Variants in ZC3H14 observed in about 807,000 individuals in gnomAD.
ZC3H14 encodes the protein zinc finger CCCH-type containing 14.
A neutral mutation model predicts 92.4 loss-of-function variants in ZC3H14; 31 were observed. That is an observed-to-expected ratio of 0.34 (90% CI 0.25 to 0.45). The LOEUF (loss-of-function observed/expected upper bound fraction) is 0.45, where lower values mean the gene tolerates loss of function less well. Ranked by LOEUF, ZC3H14 falls within the 20% of genes least tolerant of loss-of-function variation. The pLI is 1.00. For missense variants in ZC3H14, 781 were observed against 897.3 expected (o/e 0.87, Z 1.66); for synonymous variants, 321 against 300.9 (o/e 1.07, Z -0.69).
Position 88,622,630 on chromosome 14 carries a change from A to C in ZC3H14, c.*10879A>C. Reference sequence around the variant, plus strand: ...TTGCCTCTGCACACAGAACGAACACAATCTGTGGCTTGTCCTGTCTCAAGC... The same window carrying C: ...TTGCCTCTGCACACAGAACGAACACCATCTGTGGCTTGTCCTGTCTCAAGC... On this transcript the variant is annotated 3_prime_UTR_variant, in exon 17 of 17. Coordinates refer to ENST00000251038, the MANE Select transcript of ZC3H14 (RefSeq NM_024824.5). 1.2e-6 allele frequency: 2 copies of C among 1,609,754 alleles called. No individual in the cohort carries two copies. The highest frequency in any genetic ancestry group is 1.7e-6 in the Non-Finnish European group (2 of 1,177,806).
Position 88,626,446 on chromosome 14 carries a change from C to A in ZC3H14, c.*14695C>A. On this transcript the variant is annotated 3_prime_UTR_variant, in exon 17 of 17. Transcript: ENST00000251038. ...GACCACCTAGGCAACATAGCGAAAC[C>A]CTGTCTCTACTAAAAATGAAAGAAA... is the stretch of plus-strand genomic sequence containing the variant. The A allele has an allele frequency of 5.4e-6, 1 of 185,276 alleles. No homozygotes were observed. Among genetic ancestry groups the A allele is most frequent in the South Asian group, 1.1e-4 (1 of 8,758 alleles). The allele number at this position is 185,276 out of a possible 1,614,324, so 11.5% of individuals were successfully genotyped here.
At chr14:88,593,231 G>T (rs1477215094) in intron 9 of ZC3H14, among the ~76,000 whole-genome samples, 1 of 152,128 alleles carries the variant, frequency 6.6e-6, no homozygotes, top group Non-Finnish European at 1.5e-5. Context: ...CTCCCAAAAT[G>T]CTGGGATTAC....
chr14:88,607,065 G>A (rs2085524787), intron 12 of ZC3H14, among the ~76,000 whole-genome samples, 178 bp from the exon 13 acceptor site: 1 of 151,950 alleles, frequency 6.6e-6, no homozygotes, highest in Non-Finnish European at 1.5e-5. Context: ...CTTCTTCCTG[G>A]CAACCTTTTA....
At chr14:88,581,879 ATCAT>A (rs1232885807) in intron 9 of ZC3H14, among the ~76,000 whole-genome samples, 1 of 152,262 alleles carries the variant, frequency 6.6e-6, no homozygotes, top group Non-Finnish European at 1.5e-5. Flanking sequence ...GTAGTAGATA[ATCAT>A]TCATTGTCTT....
intron 9 of ZC3H14, chr14:88,595,193 G>A (rs962898386): frequency 8.7e-5 from 137 of 1,573,058 alleles, no homozygotes; most frequent in Non-Finnish European, 1.1e-4. Flanking sequence ...TAGCTCTGAT[G>A]TGGAGGGAGC....
intron 3 of ZC3H14, among the ~76,000 whole-genome samples, chr14:88,568,663 TATC>T (rs1324869164): frequency 2.0e-5 from 3 of 152,150 alleles, no homozygotes; most frequent in African/African-American, 7.2e-5. Flanking sequence ...AGCCAAACCT[TATC>T]AGCCTCTGAA....
Position 88,622,486 on chromosome 14 carries a change from C to T in ZC3H14, c.*10735C>T, listed in dbSNP as rs192198265. The T allele has an allele frequency of 2.6e-6, 2 of 783,388 alleles. No individual in the cohort carries two copies. The highest frequency in any genetic ancestry group is 3.7e-6 in the Non-Finnish European group (2 of 542,282). The allele number at this position is 783,388 out of a possible 1,614,324, so 48.5% of individuals were successfully genotyped here. ...GCAAAGACAGAGTAATGTTGGCAAG[C>T]AAATCCATCGTTATGCATTATTAAG... On this transcript the variant is annotated 3_prime_UTR_variant, in exon 17 of 17. Transcript: ENST00000251038.
In ZC3H14 at chr14:88,612,832, A is replaced by T. The variant is rs190464296; in HGVS notation, c.*1081A>T. 1 of 152,720 alleles carries T rather than the reference A, an allele frequency of 6.5e-6. No homozygotes were observed. The highest frequency in any genetic ancestry group is 2.4e-5 in the African/African-American group (1 of 41,568). The allele number at this position is 152,720 out of a possible 1,614,324, so 9.5% of individuals were successfully genotyped here. A position where few individuals can be genotyped will look rare whatever the true frequency, so the allele number is the denominator to read the frequency against. ...AAAACTGTTAAGGCAAGAAGTGTCA[A>T]ATGCTTTAGAGTTAAATAACAGATC... On this transcript the variant is annotated 3_prime_UTR_variant, in exon 17 of 17. Transcript: ENST00000251038.
chr14:88,581,788 G>A (rs1566924537), intron 9 of ZC3H14, among the ~76,000 whole-genome samples: 5 of 152,024 alleles, frequency 3.3e-5, no homozygotes, highest in African/African-American at 4.8e-5. Flanking sequence ...TAAATATCGC[G>A]GTGAATTAAA....
At chr14:88,590,636 T>C (rs1447336265) in intron 9 of ZC3H14, 2 of 152,260 alleles carry the variant, frequency 1.3e-5, no homozygotes, top group Admixed American at 1.3e-4. Flanking sequence ...TTTTGTAGTT[T>C]AGGTATTTTT....
At chr14:88,600,642 A>G (rs576026864) in intron 10 of ZC3H14, among the ~76,000 whole-genome samples, 1 of 151,888 alleles carries the variant, frequency 6.6e-6, no homozygotes, top group African/African-American at 2.4e-5. Context: ...GGTTGATGGG[A>G]GGTCTCACTA....
rs2081099862 is a variant in ZC3H14 at position 88,575,931 on chromosome 14, T to C, written c.1114T>C (p.Tyr372His). 6.2e-7 allele frequency: 1 copy of C among 1,607,068 alleles called. No individual in the cohort carries two copies. Among genetic ancestry groups the C allele is most frequent in the Non-Finnish European group, 8.5e-7 (1 of 1,173,788 alleles). Residue 372 changes from tyrosine to histidine, a missense_variant, in exon 8 of 17, where the codon TAC becomes CAC. Tyr to His is a moderately conservative substitution (Grantham distance 83). Transcript: ENST00000251038. ...AGAATCCGTAACAAAAACAACTAAC[T>C]ACTCTACAGGTAATTTAAATGTATT... ...AQESVTKTTN[Y>H]STVPQKQTLP...
At position 88,618,683 on chromosome 14, in the gene ZC3H14, T is replaced by C. The variant is rs1369031439; in HGVS notation, c.*6932T>C. The C allele has an allele frequency of 3.1e-6, 5 of 1,612,836 alleles. No individual in the cohort carries two copies. Among genetic ancestry groups the C allele is most frequent in the Non-Finnish European group, 1.7e-6 (2 of 1,179,456 alleles). ...AACTGCTATCTGCAGAGAAGTCCAT[T>C]TGAATGACAAAGCTTGGAATGTCTT... On this transcript the variant is annotated 3_prime_UTR_variant, in exon 17 of 17. Coordinates refer to ENST00000251038, the MANE Select transcript of ZC3H14 (RefSeq NM_024824.5).
chr14:88,607,499 C>G, intron 13 of ZC3H14, 136 bp downstream of exon 13: 1 of 772,844 alleles, frequency 1.3e-6, no homozygotes, highest in Admixed American at 1.9e-5. Flanking sequence ...CATCTCAACC[C>G]TCAAGTGAGT....
chr14:88,564,139 C>G (rs926040725), intron 2 of ZC3H14, among the ~76,000 whole-genome samples: 1 of 152,162 alleles, frequency 6.6e-6, no homozygotes, highest in African/African-American at 2.4e-5. Context: ...TTACTTTCCT[C>G]TTGACATTTG....
intron 9 of ZC3H14, among the ~76,000 whole-genome samples, chr14:88,592,770 G>C (rs2083313343): frequency 6.6e-6 from 1 of 152,000 alleles, no homozygotes; most frequent in Non-Finnish European, 1.5e-5. Flanking sequence ...CAAAGTGCTG[G>C]AATGACAGGT....
Position 88,602,894 on chromosome 14 carries a change from C to T in ZC3H14, c.1581C>T (p.Ser527=), listed in dbSNP as rs747384031. Reference sequence around the variant, plus strand: ...TAGTGACGCTGGATGGTGTCCCCAGCCCCCCAGGATACATGTCAGATCAAG... The same window carrying T: ...TAGTGACGCTGGATGGTGTCCCCAGTCCCCCAGGATACATGTCAGATCAAG... ...KFIVTLDGVP[S]PPGYMSDQEE... Residue 527 remains serine (S), a synonymous_variant, in exon 12 of 17, where the codon AGC becomes AGT. Coordinates refer to ENST00000251038, the MANE Select transcript of ZC3H14 (RefSeq NM_024824.5). 2.5e-5 allele frequency: 40 copies of T among 1,613,916 alleles called. No individual in the cohort carries two copies. Among genetic ancestry groups the T allele is most frequent in the Admixed American group, 5.0e-5 (3 of 59,988 alleles).
intron 9 of ZC3H14, among the ~76,000 whole-genome samples, chr14:88,592,718 C>G (rs564540583): frequency 6.6e-6 from 1 of 152,010 alleles, no homozygotes; most frequent in African/African-American, 2.4e-5. Context: ...CCAGGCTGGT[C>G]TTGAACTCCT....
intron 9 of ZC3H14, among the ~76,000 whole-genome samples, chr14:88,580,494 T>C (rs888343848): frequency 1.3e-5 from 2 of 151,900 alleles, no homozygotes; most frequent in Non-Finnish European, 2.9e-5. Flanking sequence ...TAAAAATAAA[T>C]AAAATTAAAA....
Sources: allele counts gnomAD v4.1 joint callset (sites outside exome capture counted in the v4.1 genomes callset), GRCh38; gene constraint gnomAD v4.1.1; transcripts MANE v1.5; gene names NCBI Gene and HGNC (gene_info 2026-07-23, HGNC 2026-07-21).